Variants in CNTNAP2 observed in about 807,000 individuals in gnomAD.
The protein encoded by CNTNAP2 is contactin-associated protein-like 2.
CNTNAP2 carries 98 observed loss-of-function variants against 155.2 expected under a neutral mutation model. That is an observed-to-expected ratio of 0.63 (90% confidence interval 0.54 to 0.75). The LOEUF is 0.75. Among genes scored for constraint, CNTNAP2 ranks in the 30% least tolerant of loss-of-function variants. The pLI, the probability that CNTNAP2 is intolerant of heterozygous loss-of-function variation, is 0.00. For missense variants in CNTNAP2, 1,727 were observed against 1,688.1 expected (o/e 1.02, Z -0.40); for synonymous variants, 651 against 631.2 (o/e 1.03, Z -0.47).
At chr7:148,169,852 G>A (rs1390696098) in intron 17 of CNTNAP2, among the ~76,000 whole-genome samples, 1 of 152,082 alleles carries the variant, frequency 6.6e-6, no homozygotes, top group African/African-American at 2.4e-5. Context: ...CCCAGCTACT[G>A]GGGAGGCTGA....
chr7:146,905,831 G>C (rs1462846326), intron 3 of CNTNAP2, among the ~76,000 whole-genome samples: 5 of 152,330 alleles, frequency 3.3e-5, no homozygotes, highest in Non-Finnish European at 5.9e-5. Context: ...CGGGTCTACA[G>C]CTCCCAGCGT....
chr7:146,438,039 A>G (rs1796268102), intron 1 of CNTNAP2, among the ~76,000 whole-genome samples: 1 of 151,492 alleles, frequency 6.6e-6, no homozygotes. Context: ...ACATAGGGTT[A>G]ACAATATACA....
At chr7:146,563,468 T>C (rs1349193528) in intron 1 of CNTNAP2, among the ~76,000 whole-genome samples, 1 of 152,160 alleles carries the variant, frequency 6.6e-6, no homozygotes, top group Non-Finnish European at 1.5e-5. Flanking sequence ...ACATGCTGTC[T>C]ACTTTCTCAG....
At chr7:147,579,536 G>A (rs1800458701) in intron 12 of CNTNAP2, among the ~76,000 whole-genome samples, 1 of 152,090 alleles carries the variant, frequency 6.6e-6, no homozygotes, top group Non-Finnish European at 1.5e-5. Flanking sequence ...TTATTAATAT[G>A]CCATTTATAG....
intron 1 of CNTNAP2, among the ~76,000 whole-genome samples, chr7:146,189,907 T>G (rs1289290071): frequency 3.3e-5 from 5 of 152,206 alleles, no homozygotes; most frequent in Admixed American, 2.6e-4. Context: ...TATGAAATAC[T>G]GTCCAATCAC....
chr7:146,541,136 CT>C (rs1210757906), intron 1 of CNTNAP2, among the ~76,000 whole-genome samples: 1 of 151,954 alleles, frequency 6.6e-6, no homozygotes, highest in African/African-American at 2.4e-5. Context: ...CTTCTTCCTC[CT>C]TGTACTTCAG....
At chr7:146,596,629 G>GAGAT (rs1798864769) in intron 1 of CNTNAP2, among the ~76,000 whole-genome samples, 1 of 148,982 alleles carries the variant, frequency 6.7e-6, no homozygotes, top group Non-Finnish European at 1.5e-5. Flanking sequence ...GAGAGAGAGA[G>GAGAT]AGAGAGAGAG....
intron 1 of CNTNAP2, among the ~76,000 whole-genome samples, chr7:146,285,779 T>C (rs1452490611): frequency 1.1e-3 from 1 of 916 alleles, no homozygotes; most frequent in African/African-American, 3.2e-3. Context: ...TCCCTTCCCC[T>C]CCCCCCTCCC....
chr7:148,174,421 C>A (rs1464937965), intron 18 of CNTNAP2, among the ~76,000 whole-genome samples: 1 of 144,008 alleles, frequency 6.9e-6, no homozygotes, highest in Non-Finnish European at 1.5e-5. Flanking sequence ...CCTGTGACCG[C>A]CCCCCACCTC....
At chr7:147,096,583 A>G (rs988392466) in intron 4 of CNTNAP2, among the ~76,000 whole-genome samples, 1 of 152,366 alleles carries the variant, frequency 6.6e-6, no homozygotes, top group Middle Eastern at 3.4e-3. Context: ...CATGATATTT[A>G]TAACCAGCCA....
At chr7:146,184,101 A>G (rs1219197460) in intron 1 of CNTNAP2, among the ~76,000 whole-genome samples, 1 of 152,190 alleles carries the variant, frequency 6.6e-6, no homozygotes, top group Non-Finnish European at 1.5e-5. Context: ...AGATGCAGAA[A>G]AGCTCCAGCT....
intron 3 of CNTNAP2, among the ~76,000 whole-genome samples, chr7:146,864,216 G>A (rs963744508): frequency 3.3e-5 from 5 of 151,872 alleles, no homozygotes; most frequent in Admixed American, 2.6e-4. Flanking sequence ...AAATTAATTA[G>A]AAAAGTAAAT....
chr7:146,302,478 G>A lies in CNTNAP2; in HGVS notation c.97+185505G>A, dbSNP rs140459387. On this transcript the variant is annotated intron_variant, in intron 1 of 23. Coordinates refer to ENST00000361727, the MANE Select transcript of CNTNAP2 (RefSeq NM_014141.6). ...TAGTATCTATTCTATTTCAGAGATA[G>A]TATTAAATGCCTGATGTATATTAAC... Among the ~76,000 whole-genome samples the A allele has an allele frequency of 5.8e-4, 89 of 152,178 alleles. 1 individual carries two copies. Among genetic ancestry groups the A allele is most frequent in the African/African-American group, 2.1e-3 (86 of 41,522 alleles).
chr7:146,609,448 A>T (rs745451570), intron 1 of CNTNAP2, among the ~76,000 whole-genome samples: 3 of 152,246 alleles, frequency 2.0e-5, no homozygotes, highest in Admixed American at 6.5e-5. Flanking sequence ...GCACTGTTAT[A>T]GTATTCTGCT....
At chr7:146,119,355 A>C (rs573114989) in intron 1 of CNTNAP2, among the ~76,000 whole-genome samples, 2 of 152,198 alleles carry the variant, frequency 1.3e-5, no homozygotes, top group African/African-American at 4.8e-5. Flanking sequence ...CTTATGACTT[A>C]TTTCTTTTTC....
At chr7:147,249,145 A>G (rs1335917419) in intron 8 of CNTNAP2, among the ~76,000 whole-genome samples, 1 of 152,222 alleles carries the variant, frequency 6.6e-6, no homozygotes, top group Non-Finnish European at 1.5e-5. Context: ...CTTAAGCATT[A>G]CATGATTGCT....
At chr7:147,765,858 T>C (rs2116527121) in intron 13 of CNTNAP2, among the ~76,000 whole-genome samples, 1 of 152,268 alleles carries the variant, frequency 6.6e-6, no homozygotes, top group South Asian at 2.1e-4. Flanking sequence ...AGGGATGATA[T>C]ACTCGTACAA....
chr7:147,915,519 T>C (rs907828011), intron 14 of CNTNAP2, among the ~76,000 whole-genome samples: 14 of 152,148 alleles, frequency 9.2e-5, no homozygotes, highest in African/African-American at 2.9e-4. Context: ...AGAAAGATTG[T>C]TGATATTCAA....
chr7:148,094,794 A>C (rs756176664), intron 15 of CNTNAP2, among the ~76,000 whole-genome samples: 1 of 152,234 alleles, frequency 6.6e-6, no homozygotes, highest in Non-Finnish European at 1.5e-5. Context: ...AGCTTCTGGT[A>C]GGAAATCTTA....
Sources: gnomAD v4.1 joint callset for allele counts (sites outside exome capture counted in the v4.1 genomes callset) on GRCh38, gnomAD v4.1.1 for gene constraint, MANE v1.5 for transcripts, NCBI Gene and HGNC (gene_info 2026-07-23, HGNC 2026-07-21) for gene names.